Variants in GRK7 observed in about 807,000 individuals in gnomAD.
The protein encoded by GRK7 is G protein-coupled receptor kinase 7.
GRK7 carries 24 observed loss-of-function variants against 34.1 expected under a neutral mutation model. That is an observed-to-expected ratio of 0.70 (90% CI 0.51 to 0.99). GRK7 has a LOEUF of 0.99. Ranked by LOEUF, GRK7 falls within the 50% of genes least tolerant of loss-of-function variation. GRK7 has a pLI of 0.00. For missense variants in GRK7, 644 were observed against 707.3 expected, an observed-to-expected ratio of 0.91 and a Z score of 1.02; for synonymous variants, 256 against 279.4, an observed-to-expected ratio of 0.92 and a Z score of 0.84.
intron 4 of GRK7, among the ~76,000 whole-genome samples, chr3:141,794,264 C>T (rs561749132): frequency 7.9e-5 from 12 of 152,348 alleles, no homozygotes; most frequent in African/African-American, 2.9e-4. Context: ...TAAAGGTATG[C>T]CTCTGAGCAC....
At position 141,780,637 on chromosome 3, in the gene GRK7, G is replaced by A. The variant is rs773960286; in HGVS notation, c.876G>A (p.Arg292=). ...NVGTRGLDMS[R]VIFYSAQIAC... is the part of the protein sequence containing the mutation. ...GCACGCGTGGCCTGGACATGAGCCG[G>A]GTGATCTTTTACTCGGCCCAGATAG... The change falls in exon 4 of 6, where the codon CGG becomes CGA. Residue 292 remains arginine, a synonymous_variant. Coordinates refer to ENST00000682958, the MANE Select transcript of GRK7 (RefSeq NM_139209.3). 1.2e-6 allele frequency: 2 copies of A among 1,614,196 alleles called. No individual in the cohort carries two copies. Among genetic ancestry groups the A allele is most frequent in the South Asian group, 1.1e-5 (1 of 91,086 alleles).
chr3:141,803,179 C>A (rs1463200377), intron 4 of GRK7, among the ~76,000 whole-genome samples: 1 of 150,656 alleles, frequency 6.6e-6, no homozygotes, highest in Non-Finnish European at 1.5e-5. Flanking sequence ...GTAATCCCAG[C>A]ACTTTGGAAG....
chr3:141,778,598 C>T lies in GRK7; in HGVS notation c.314C>T (p.Ala105Val), dbSNP rs2107877004. ...GAGGAGGGACCCACCAAAGACAGCG[C>T]GCTGCAGGGGCTGGTGGCCACTTGT... is the stretch of plus-strand genomic sequence containing the variant. ...LAEEGPTKDS[A>V]LQGLVATCAS... The change falls in exon 3 of 6, where the codon GCG (alanine) becomes GTG (valine). Residue 105 changes from alanine to valine, a missense_variant. Physicochemically the swap from Ala to Val is moderately conservative, Grantham distance 64. Transcript: ENST00000682958. The surrounding 1 kb of genome is among the most constrained non-coding windows in gnomAD (Gnocchi z 4.1). 3.1e-6 allele frequency: 5 copies of T among 1,612,782 alleles called. No individual in the cohort carries two copies. The highest frequency in any genetic ancestry group is 2.2e-5 in the East Asian group (1 of 44,860).
intron 4 of GRK7, among the ~76,000 whole-genome samples, chr3:141,788,561 C>T (rs549220346): frequency 9.3e-4 from 142 of 152,248 alleles, no homozygotes; most frequent in African/African-American, 3.2e-3. Context: ...ACTTCTGCCC[C>T]GTGGGGTCTT....
At chr3:141,777,685 G>C (rs896209735) in intron 2 of GRK7, among the ~76,000 whole-genome samples, 1 of 151,432 alleles carries the variant, frequency 6.6e-6, no homozygotes, top group Non-Finnish European at 1.5e-5. Context: ...CATCTGCCCT[G>C]GCCAACACTG....
At chr3:141,811,563 G>T (rs1172368462) in intron 5 of GRK7, among the ~76,000 whole-genome samples, 1 of 152,092 alleles carries the variant, frequency 6.6e-6, no homozygotes, top group Non-Finnish European at 1.5e-5. Flanking sequence ...TAGAGGAAAG[G>T]CATATAAAAA....
At chr3:141,760,030 A>T (rs2084548303), upstream of GRK7, among the ~76,000 whole-genome samples, 1 of 124,960 alleles carries the variant, frequency 8.0e-6, no homozygotes, top group Admixed American at 8.3e-5. Flanking sequence ...TATTGTGTCT[A>T]TTTGATTCTT....
intron 5 of GRK7, among the ~76,000 whole-genome samples, chr3:141,815,234 T>G (rs563717123): frequency 9.7e-5 from 2 of 20,664 alleles, no homozygotes; most frequent in Admixed American, 1.1e-3. Context: ...TGGTTTTTTT[T>G]GTTTGTTTGT....
chr3:141,815,732 T>TGTGTGA (rs1711145963), intron 5 of GRK7, among the ~76,000 whole-genome samples: 1 of 151,448 alleles, frequency 6.6e-6, no homozygotes, highest in Non-Finnish European at 1.5e-5. Context: ...TGTGTGTGTG[T>TGTGTGA]GATCACTGGC....
Position 141,780,093 on chromosome 3 carries a change from T to C in GRK7, c.613-281T>C, listed in dbSNP as rs12634808. ...AACTTTTCAAGGAGCCACCAAACTT[T>C]CCACATTTTTTATTCCCACCAGCAA... is the stretch of plus-strand genomic sequence containing the variant. On this transcript the variant is annotated intron_variant, in intron 3 of 5. Transcript: ENST00000682958. Among the ~76,000 whole-genome samples, 239 of 152,356 alleles carry C rather than the reference T, an allele frequency of 1.6e-3. 5 individuals carry two copies. The East Asian group carries it at 0.042, about 27-fold the overall frequency.
At chr3:141,797,132 T>G (rs1485958444) in intron 4 of GRK7, among the ~76,000 whole-genome samples, 1 of 152,190 alleles carries the variant, frequency 6.6e-6, no homozygotes, top group Admixed American at 6.5e-5. Flanking sequence ...AAAGTGTTAT[T>G]GTGACGACCC....
At chr3:141,807,594 C>T (rs1252577850) in intron 4 of GRK7, 51 bp from the exon 5 acceptor site, 12 of 1,521,918 alleles carry the variant, frequency 7.9e-6, no homozygotes, top group Non-Finnish European at 9.1e-6. Context: ...GCTACACTCA[C>T]CTTAGTGTCT....
At chr3:141,786,775 GAA>G (rs34246562) in intron 4 of GRK7, among the ~76,000 whole-genome samples, 5 of 136,140 alleles carry the variant, frequency 3.7e-5, no homozygotes, top group Admixed American at 7.4e-5. Flanking sequence ...AAGACTCTCG[GAA>G]AAAAAAAAAA....
intron 5 of GRK7, among the ~76,000 whole-genome samples, chr3:141,812,490 G>A (rs774344874): frequency 8.5e-5 from 13 of 152,204 alleles, no homozygotes; most frequent in Non-Finnish European, 1.6e-4. Context: ...CAAGAACAAG[G>A]AATAGAGATT....
At chr3:141,805,560 A>G (rs1711028658) in intron 4 of GRK7, among the ~76,000 whole-genome samples, 1 of 152,162 alleles carries the variant, frequency 6.6e-6, no homozygotes, top group African/African-American at 2.4e-5. Context: ...CAAATTATAT[A>G]CCAGCTTCTC....
chr3:141,778,268 G>A lies in GRK7; in HGVS notation c.-17G>A. 2 of 1,538,732 alleles carry A rather than the reference G, an allele frequency of 1.3e-6. No individual in the cohort carries two copies. Among genetic ancestry groups the A allele is most frequent in the Non-Finnish European group, 1.8e-6 (2 of 1,142,080 alleles). ...GCCCTCTTGTGCTTTCCCTGGGAGT[G>A]CGCCCCGTGCTCAGCCATGGTGGAC... is the stretch of plus-strand genomic sequence containing the variant. On this transcript the variant is annotated 5_prime_UTR_variant, in exon 3 of 6. Coordinates refer to ENST00000682958, the MANE Select transcript of GRK7 (RefSeq NM_139209.3). This position sits in a 1 kb window ranked among gnomAD's most constrained non-coding sequence, Gnocchi z 4.1.
intron 4 of GRK7, among the ~76,000 whole-genome samples, chr3:141,794,898 A>C (rs1240001155): frequency 6.6e-6 from 1 of 152,164 alleles, no homozygotes; most frequent in Non-Finnish European, 1.5e-5. Flanking sequence ...CTGAGTACTA[A>C]ACAGGGAACC....
intron 3 of GRK7, among the ~76,000 whole-genome samples, chr3:141,779,677 T>C (rs2084661611): frequency 6.6e-6 from 1 of 152,180 alleles, no homozygotes; most frequent in African/African-American, 2.4e-5. Flanking sequence ...CCATTAATAG[T>C]GCCTCCCCAT....
chr3:141,774,875 T>G (rs1280095995), intron 2 of GRK7, among the ~76,000 whole-genome samples, 195 bp downstream of exon 2: 1 of 151,882 alleles, frequency 6.6e-6, no homozygotes, highest in Non-Finnish European at 1.5e-5. Flanking sequence ...TCACTGCAGC[T>G]TCCGCCTCCT....
Sources: allele counts gnomAD v4.1 joint callset (sites outside exome capture counted in the v4.1 genomes callset), GRCh38; gene constraint gnomAD v4.1.1; non-coding constraint Gnocchi (gnomAD v3.1); transcripts MANE v1.5; gene names NCBI Gene and HGNC (gene_info 2026-07-23, HGNC 2026-07-21).